Variants in ZNRF3 observed in about 807,000 individuals in gnomAD.
ZNRF3 encodes zinc and ring finger 3.
ZNRF3 carries 23 observed loss-of-function variants against 72.5 expected under a neutral mutation model. The observed-to-expected ratio is 0.32, with a 90% CI of 0.23 to 0.45. ZNRF3 has a LOEUF of 0.45. ZNRF3 is among the 20% of genes least tolerant of loss of function. The pLI, the probability that ZNRF3 is intolerant of heterozygous loss-of-function variation, is 1.00. For missense variants in ZNRF3, 1,169 were observed against 1,272.1 expected, an observed-to-expected ratio of 0.92 and a Z score of 1.23; for synonymous variants, 610 against 545.3, an observed-to-expected ratio of 1.12 and a Z score of -1.65.
intron 2 of ZNRF3, 40 bp downstream of exon 2, chr22:28,987,241 G>A (rs368841675): frequency 1.3e-6 from 2 of 1,586,148 alleles, no homozygotes; most frequent in Non-Finnish European, 1.7e-6. Flanking sequence ...TTTCTGGTTG[G>A]TGTTTTCCAC....
chr22:28,901,485 G>A (rs1456709598), intron 1 of ZNRF3, among the ~76,000 whole-genome samples: 1 of 152,042 alleles, frequency 6.6e-6, no homozygotes, highest in African/African-American at 2.4e-5. Flanking sequence ...GTAAAGTTAG[G>A]GGACAGAGAC....
chr22:29,011,856 C>A (rs558719721), intron 2 of ZNRF3, among the ~76,000 whole-genome samples: 5 of 152,364 alleles, frequency 3.3e-5, no homozygotes, highest in Admixed American at 2.6e-4. Context: ...TTTCTTTAAT[C>A]CTTACCCTGG....
Position 28,987,128 on chromosome 22 carries a change from A to T in ZNRF3, c.353A>T (p.Tyr118Phe), listed in dbSNP as rs760476751. Residue 118 changes from tyrosine to phenylalanine, a missense_variant, in exon 2 of 9, where the codon TAT becomes TTT. By Grantham distance (22) the Tyr-to-Phe change is conservative (BLOSUM62 3). Transcript: ENST00000544604. ...AATGACGAAGAGGACTTGTATGAATATGGCTGGGTAGGAGTGGTGAAGCTG... is the reference window on the plus strand; with the variant it reads ...AATGACGAAGAGGACTTGTATGAATTTGGCTGGGTAGGAGTGGTGAAGCTG... ...NNNDEEDLYE[Y>F]GWVGVVKLEQ... 3.1e-6 allele frequency: 5 copies of T among 1,613,972 alleles called. No homozygotes were observed. The South Asian group carries it at 5.5e-5, about 18-fold the overall frequency.
chr22:28,926,979 G>T (rs1417289205), intron 1 of ZNRF3, among the ~76,000 whole-genome samples: 1 of 150,748 alleles, frequency 6.6e-6, no homozygotes, highest in African/African-American at 2.4e-5. Context: ...AAAATTAGCT[G>T]GGTGTGGGCA....
chr22:28,973,418 A>G (rs755919993), intron 1 of ZNRF3, among the ~76,000 whole-genome samples: 6 of 152,184 alleles, frequency 3.9e-5, no homozygotes, highest in Non-Finnish European at 7.3e-5. Flanking sequence ...TGAGAGGTAC[A>G]TGGGCCTCTT....
chr22:29,014,747 A>G (rs1373672684), intron 2 of ZNRF3, among the ~76,000 whole-genome samples: 2 of 152,252 alleles, frequency 1.3e-5, no homozygotes, highest in Non-Finnish European at 2.9e-5. Context: ...TGGTCAGTAG[A>G]GGAGACACAG....
intron 1 of ZNRF3, among the ~76,000 whole-genome samples, chr22:28,936,351 G>A (rs2034819806): frequency 6.6e-6 from 1 of 152,166 alleles, no homozygotes; most frequent in Non-Finnish European, 1.5e-5. Flanking sequence ...CAGCCTAGGT[G>A]TCGTGACCAT....
intron 1 of ZNRF3, among the ~76,000 whole-genome samples, chr22:28,919,428 T>C (rs1042631981): frequency 5.3e-5 from 8 of 152,168 alleles, no homozygotes; most frequent in African/African-American, 1.7e-4. Context: ...GTTGTCCTCA[T>C]TGAATAGATG....
At chr22:28,937,198 TATATATATATATATATA>T (rs1446911338) in intron 1 of ZNRF3, among the ~76,000 whole-genome samples, 60 of 2,854 alleles carry the variant, frequency 0.021, no homozygotes, top group Non-Finnish European at 0.061. Flanking sequence ...TATATATATA[TATATATATATATATATA>T]TTTTTTTTTT....
chr22:29,050,190 A>C lies in ZNRF3; in HGVS notation c.2009A>C (p.Asn670Thr), dbSNP rs752388778. Residue 670 changes from asparagine (N) to threonine (T), a missense_variant, in exon 8 of 9, where the codon AAC (asparagine) becomes ACC (threonine). Physicochemically the swap from Asn to Thr is moderately conservative, Grantham distance 65. Transcript: ENST00000544604. The stretch of plus-strand genomic sequence containing the variant: ...AGCCTGGAGATGAACTACAGCAGCA[A>C]CTCCTCCCTGGAGCACAGGGGGCCC... ...TCSLEMNYSSNSSLEHRGPNS... is the reference protein window; with the variant it reads ...TCSLEMNYSSTSSLEHRGPNS... 27 of 1,601,082 alleles carry C rather than the reference A, an allele frequency of 1.7e-5. 1 individual carries two copies. Among genetic ancestry groups the C allele is most frequent in the Non-Finnish European group, 2.3e-5 (27 of 1,179,758 alleles).
rs144905576 is a variant in ZNRF3 at position 28,982,308 on chromosome 22, T to C, written c.301-4768T>C. Among the ~76,000 whole-genome samples, 1,108 of 151,990 alleles carry C rather than the reference T, an allele frequency of 7.3e-3. 52 individuals are homozygous for C. Among genetic ancestry groups the C allele is most frequent in the Admixed American group, 0.067 (1,015 of 15,252 alleles). On this transcript the variant is annotated intron_variant, in intron 1 of 8. Transcript: ENST00000544604. ...TTGGATTAAATAAGAGATTAAAATGTGTAAACCGGTCAGGTGCAGCAGCTC... is the reference window on the plus strand; with the variant it reads ...TTGGATTAAATAAGAGATTAAAATGCGTAAACCGGTCAGGTGCAGCAGCTC...
At chr22:29,027,311 C>T (rs951431373) in intron 2 of ZNRF3, among the ~76,000 whole-genome samples, 5 of 151,944 alleles carry the variant, frequency 3.3e-5, no homozygotes, top group Non-Finnish European at 7.4e-5. Flanking sequence ...TGCAATGGCG[C>T]GATCTTGGCT....
Position 29,042,520 on chromosome 22 carries a change from C to G in ZNRF3, c.452C>G (p.Ala151Gly). ...GKAKRAVQRGATAVIFDVSEN... is the reference protein window; with the variant it reads ...GKAKRAVQRGGTAVIFDVSEN... ...GCCAAGCGAGCAGTACAGCGGGGAG[C>G]TACTGCAGTCATCTTTGATGTGTCT... Residue 151 changes from alanine to glycine, a missense_variant, in exon 3 of 9, where the codon GCT becomes GGT. Transcript: ENST00000544604. 1 of 1,613,812 alleles carries G rather than the reference C, an allele frequency of 6.2e-7. No individual in the cohort carries two copies. The highest frequency in any genetic ancestry group is 8.5e-7 in the Non-Finnish European group (1 of 1,180,028).
At chr22:29,040,427 C>A (rs1227234178) in intron 2 of ZNRF3, among the ~76,000 whole-genome samples, 1 of 152,062 alleles carries the variant, frequency 6.6e-6, no homozygotes, top group Admixed American at 6.5e-5. Context: ...GTGATCTACC[C>A]GCCTAAGCCT....
At chr22:29,038,756 C>G (rs1283398972) in intron 2 of ZNRF3, among the ~76,000 whole-genome samples, 1 of 152,150 alleles carries the variant, frequency 6.6e-6, no homozygotes, top group Non-Finnish European at 1.5e-5. Context: ...AGGATCTTAG[C>G]TTGGCTCCCC....
intron 2 of ZNRF3, chr22:29,017,936 G>C: frequency 1.9e-6 from 1 of 515,830 alleles, no homozygotes; most frequent in Non-Finnish European, 3.9e-6. Flanking sequence ...GCTTTGAGAG[G>C]TAATCAAGGG....
intron 1 of ZNRF3, among the ~76,000 whole-genome samples, chr22:28,974,606 T>C (rs761245372): frequency 6.6e-6 from 1 of 152,238 alleles, no homozygotes; most frequent in Non-Finnish European, 1.5e-5. Context: ...TGTAAATTCT[T>C]TGTTTCCTTT....
At chr22:28,885,766 C>G (rs1421991280) in intron 1 of ZNRF3, among the ~76,000 whole-genome samples, 1 of 152,228 alleles carries the variant, frequency 6.6e-6, no homozygotes, top group Non-Finnish European at 1.5e-5. Flanking sequence ...TGGAGATAAT[C>G]TTGGGTTCAC....
chr22:28,966,345 T>C (rs2035458496), intron 1 of ZNRF3, among the ~76,000 whole-genome samples: 1 of 152,232 alleles, frequency 6.6e-6, no homozygotes, highest in Non-Finnish European at 1.5e-5. Context: ...ATAATGGAAC[T>C]GAAAAATTTC....
Sources: allele counts gnomAD v4.1 joint callset (sites outside exome capture counted in the v4.1 genomes callset), GRCh38; gene constraint gnomAD v4.1.1; transcripts MANE v1.5; gene names NCBI Gene and HGNC (gene_info 2026-07-23, HGNC 2026-07-21).